Variants in APBA1 observed in about 807,000 individuals in gnomAD.
APBA1 encodes amyloid beta precursor protein binding family A member 1.
Under a neutral mutation model 86.6 loss-of-function variants are expected in APBA1, and 55 were observed. That is an observed-to-expected ratio of 0.64 (90% confidence interval 0.51 to 0.80). APBA1 has a LOEUF of 0.80. APBA1 is among the 30% of genes least tolerant of loss of function. The pLI is 0.00. For missense variants in APBA1, 1,090 were observed against 1,183.0 expected, an observed-to-expected ratio of 0.92 and a Z score of 1.15; for synonymous variants, 511 against 493.9, an observed-to-expected ratio of 1.03 and a Z score of -0.46.
Position 69,517,246 on chromosome 9 carries a change from C to T in APBA1, c.-36G>A, listed in dbSNP as rs760525487. 1.6e-5 allele frequency: 23 copies of T among 1,428,996 alleles called. No homozygotes were observed. In the East Asian group the frequency reaches 5.1e-4, roughly 31 times the overall value. 88.5% of individuals were successfully genotyped at this position (1,428,996 alleles called of 1,614,324 possible). On this transcript the variant is annotated 5_prime_UTR_variant, in exon 2 of 13. Coordinates refer to ENST00000265381, the MANE Select transcript of APBA1 (RefSeq NM_001163.4). ...GGAACGGCTAGGAGAGAAGCTGGGC[C>T]CGGCTCACTGCGCTCTCATTTTGCT... is the stretch of plus-strand genomic sequence containing the variant.
chr9:69,495,415 C>T (rs1040990012), intron 2 of APBA1, among the ~76,000 whole-genome samples: 2 of 152,114 alleles, frequency 1.3e-5, no homozygotes, highest in African/African-American at 4.8e-5. Flanking sequence ...GCTGGGCCAG[C>T]TCTAGTGCCT....
intron 1 of APBA1, among the ~76,000 whole-genome samples, chr9:69,520,614 C>T (rs1040090226): frequency 3.4e-4 from 52 of 152,108 alleles, no homozygotes; most frequent in Non-Finnish European, 1.9e-4. Flanking sequence ...ACCTGGAGTT[C>T]CCATAACACT....
chr9:69,482,765 A>T (rs2133847257), intron 2 of APBA1, among the ~76,000 whole-genome samples: 1 of 152,078 alleles, frequency 6.6e-6, no homozygotes, highest in Non-Finnish European at 1.5e-5. Flanking sequence ...AAAATGTGGC[A>T]CATATACACC....
chr9:69,449,456 T>C (rs946949462), intron 10 of APBA1, 128 bp downstream of exon 10: 5 of 852,492 alleles, frequency 5.9e-6, no homozygotes, highest in Non-Finnish European at 9.4e-6. Flanking sequence ...TCCACGCCTT[T>C]TGTGTTTGTG....
At chr9:69,435,189 T>C (rs1223253031) in intron 11 of APBA1, among the ~76,000 whole-genome samples, 1 of 152,092 alleles carries the variant, frequency 6.6e-6, no homozygotes, top group Admixed American at 6.5e-5. Context: ...TAATCTAGTC[T>C]ATCATTGTTG....
At chr9:69,576,098 C>A (rs1188801286) in intron 1 of APBA1, among the ~76,000 whole-genome samples, 1 of 152,130 alleles carries the variant, frequency 6.6e-6, no homozygotes, top group Non-Finnish European at 1.5e-5. Context: ...CCAAAAGACA[C>A]ATGAAAAAAT....
intron 1 of APBA1, among the ~76,000 whole-genome samples, chr9:69,615,889 T>C (rs1200298834): frequency 6.6e-6 from 1 of 152,186 alleles, no homozygotes; most frequent in Non-Finnish European, 1.5e-5. Context: ...CAAGCATTCA[T>C]CAAACTGCTC....
intron 1 of APBA1, among the ~76,000 whole-genome samples, chr9:69,520,677 C>T (rs1371947563): frequency 1.3e-5 from 2 of 152,180 alleles, no homozygotes; most frequent in East Asian, 1.9e-4. Flanking sequence ...CTTCCCTACC[C>T]ACCCTCGCTC....
At chr9:69,611,465 A>C (rs1822587832) in intron 1 of APBA1, among the ~76,000 whole-genome samples, 1 of 152,126 alleles carries the variant, frequency 6.6e-6, no homozygotes, top group Non-Finnish European at 1.5e-5. Context: ...TAAAACACAA[A>C]TATTTGAATA....
chr9:69,597,312 T>C (rs1470875075), intron 1 of APBA1, among the ~76,000 whole-genome samples: 1 of 152,250 alleles, frequency 6.6e-6, no homozygotes, highest in Admixed American at 6.5e-5. Flanking sequence ...CATAAATGTC[T>C]TCTTTTGAGA....
chr9:69,562,962 T>C lies in APBA1; in HGVS notation c.-69-45683A>G, dbSNP rs145791712. 3.9e-5 allele frequency among the ~76,000 whole-genome samples: 6 copies of C among 152,352 alleles called. No individual in the cohort carries two copies. The South Asian group carries it at 6.2e-4, about 16-fold the overall frequency. Reference sequence around the variant, plus strand: ...ACTATCACTATCAACTCCAAAGCTATGGTTTACAAAATTTAGCTTGCTTCT... The same window carrying C: ...ACTATCACTATCAACTCCAAAGCTACGGTTTACAAAATTTAGCTTGCTTCT... On this transcript the variant is annotated intron_variant, in intron 1 of 12. Coordinates refer to ENST00000265381, the MANE Select transcript of APBA1 (RefSeq NM_001163.4).
chr9:69,553,217 G>T (rs1356726491), intron 1 of APBA1, among the ~76,000 whole-genome samples: 2 of 152,016 alleles, frequency 1.3e-5, no homozygotes, highest in Non-Finnish European at 2.9e-5. Flanking sequence ...TTTTAATGGA[G>T]GTATAACTTA....
intron 1 of APBA1, among the ~76,000 whole-genome samples, chr9:69,583,415 C>G (rs893661265): frequency 6.6e-6 from 1 of 152,142 alleles, no homozygotes; most frequent in African/African-American, 2.4e-5. Flanking sequence ...ACACCACAAC[C>G]CTGTACAGAA....
chr9:69,459,280 G>A (rs1221767290), intron 5 of APBA1, among the ~76,000 whole-genome samples: 1 of 152,240 alleles, frequency 6.6e-6, no homozygotes, highest in Non-Finnish European at 1.5e-5. Flanking sequence ...GTTAGGGACA[G>A]TGTTCAATCA....
At chr9:69,669,802 A>C (rs4744927) in intron 1 of APBA1, among the ~76,000 whole-genome samples, 139,789 of 152,136 alleles carry the variant, frequency 0.92, 65,216 homozygotes, top group East Asian at 1. Flanking sequence ...AAAAATGATC[A>C]CATTTACATT....
intron 1 of APBA1, among the ~76,000 whole-genome samples, chr9:69,579,157 C>T (rs1821864599): frequency 6.6e-6 from 1 of 152,040 alleles, no homozygotes; most frequent in Non-Finnish European, 1.5e-5. Flanking sequence ...AAGGGTCTCC[C>T]CAACCTTTAA....
At chr9:69,585,856 C>T (rs1358504542) in intron 1 of APBA1, among the ~76,000 whole-genome samples, 1 of 152,162 alleles carries the variant, frequency 6.6e-6, no homozygotes, top group African/African-American at 2.4e-5. Flanking sequence ...CTGCCTTTCT[C>T]CTGCTTATCT....
At chr9:69,519,878 A>G (rs1460087124) in intron 1 of APBA1, among the ~76,000 whole-genome samples, 2 of 152,228 alleles carry the variant, frequency 1.3e-5, no homozygotes, top group Non-Finnish European at 2.9e-5. Flanking sequence ...TTCAAAGGAA[A>G]TGGAACTTCC....
intron 5 of APBA1, among the ~76,000 whole-genome samples, chr9:69,466,531 C>A (rs1835283001): frequency 6.6e-6 from 1 of 152,190 alleles, no homozygotes; most frequent in Admixed American, 6.5e-5. Context: ...TCTGGTGGCA[C>A]TCGGCCTCTG....
Sources: allele counts gnomAD v4.1 joint callset (sites outside exome capture counted in the v4.1 genomes callset), GRCh38; gene constraint gnomAD v4.1.1; transcripts MANE v1.5; gene names NCBI Gene and HGNC (gene_info 2026-07-23, HGNC 2026-07-21).